GPR55: variants seen among roughly 807,000 people sequenced by gnomAD.
The protein encoded by GPR55 is G protein-coupled receptor 55.
A neutral mutation model predicts 7.9 loss-of-function variants in GPR55; 6 were observed. The ratio of observed to expected loss-of-function variants is 0.76; its 90% confidence interval spans 0.41 to 1.49. The LOEUF is 1.49. Among genes scored for constraint, GPR55 ranks in the 40% most tolerant of loss-of-function variants. GPR55 has a pLI of 0.01. For missense variants in GPR55, 376 were observed against 406.0 expected (o/e 0.93, Z 0.63); for synonymous variants, 183 against 166.8 (o/e 1.10, Z -0.75).
At chr2:230,926,018 G>A (rs767379518), upstream of GPR55, among the ~76,000 whole-genome samples, 5 of 152,178 alleles carry the variant, frequency 3.3e-5, no homozygotes, top group Admixed American at 6.5e-5. Flanking sequence ...AAACTACCCC[G>A]GCAGATGCAG....
intron 1 of GPR55, among the ~76,000 whole-genome samples, chr2:230,939,051 G>A (rs531323794): frequency 6.6e-6 from 1 of 152,330 alleles, no homozygotes; most frequent in East Asian, 1.9e-4. Context: ...TTCTCGAGAT[G>A]GAGACTGAAG....
intron 1 of GPR55, among the ~76,000 whole-genome samples, chr2:230,960,464 T>C (rs1273494680): frequency 6.6e-6 from 1 of 152,152 alleles, no homozygotes; most frequent in Non-Finnish European, 1.5e-5. Context: ...TTACTTTTGT[T>C]ACTCAGATGT....
chr2:230,920,530 A>G (rs1016969101), intron 1 of GPR55, among the ~76,000 whole-genome samples: 1 of 152,216 alleles, frequency 6.6e-6, no homozygotes, highest in Non-Finnish European at 1.5e-5. Context: ...CTCTGTTCAC[A>G]GGTCAGCCAT....
chr2:230,930,484 A>T, intron 1 of GPR55, among the ~76,000 whole-genome samples: 3 of 145,190 alleles, frequency 2.1e-5, no homozygotes, highest in African/African-American at 5.1e-5. Flanking sequence ...TTTTAGACAG[A>T]GTCTCACTTA....
Position 230,936,615 on chromosome 2 carries a change from C to T in GPR55, c.-135+24160G>A, listed in dbSNP as rs563732846. ...TTAGCAGCATGAGAATGGACTGATA[C>T]GAACATCCTGTTGGACAGCAGCAAT... On this transcript the variant is annotated intron_variant, in intron 1 of 1. Coordinates refer to the GPR55 transcript ENST00000392039. 5.5e-4 allele frequency among the ~76,000 whole-genome samples: 83 copies of T among 152,288 alleles called. 1 individual carries two copies. The highest frequency in any genetic ancestry group is 1.6e-3 in the African/African-American group (68 of 41,566).
rs147437675 is a variant in GPR55 at position 230,960,067 on chromosome 2, A to C, written c.-135+708T>G. Among the ~76,000 whole-genome samples the C allele has an allele frequency of 2.3e-3, 352 of 152,350 alleles. 2 individuals are homozygous for C. Among genetic ancestry groups the C allele is most frequent in the African/African-American group, 8.0e-3 (334 of 41,578 alleles). On this transcript the variant is annotated intron_variant, in intron 1 of 1. Coordinates refer to the GPR55 transcript ENST00000392039. ...CTTAGGTGCTGGCAAGAAGCAATTT[A>C]GAAATATATTTGACTTATTCTACAC...
intron 1 of GPR55, among the ~76,000 whole-genome samples, chr2:230,954,341 G>C (rs971510282): frequency 3.3e-5 from 5 of 152,218 alleles, no homozygotes; most frequent in African/African-American, 1.2e-4. Context: ...CTATCATTCT[G>C]TGTCCTGAAG....
In GPR55 at chr2:230,955,092, A is replaced by G. The variant is rs139167639; in HGVS notation, c.-135+5683T>C. On this transcript the variant is annotated intron_variant, in intron 1 of 1. Transcript: ENST00000392039. ...TATGTTTATCCCTTTACTATGTGACAGTAATCTGTCACCAAGAGCTAGCAT... is the reference window on the plus strand; with the variant it reads ...TATGTTTATCCCTTTACTATGTGACGGTAATCTGTCACCAAGAGCTAGCAT... Among the ~76,000 whole-genome samples, 440 of 152,358 alleles carry G rather than the reference A, an allele frequency of 2.9e-3. 3 individuals are homozygous for G. The highest frequency in any genetic ancestry group is 0.01 in the African/African-American group (417 of 41,586).
intron 1 of GPR55, among the ~76,000 whole-genome samples, chr2:230,960,397 C>A (rs1691549805): frequency 6.6e-6 from 1 of 152,090 alleles, no homozygotes; most frequent in African/African-American, 2.4e-5. Context: ...AATCATAGAC[C>A]TGAAAGCCAG....
intron 1 of GPR55, among the ~76,000 whole-genome samples, chr2:230,938,884 C>G (rs76955039): frequency 2.0e-5 from 3 of 152,150 alleles, no homozygotes; most frequent in Non-Finnish European, 4.4e-5. Context: ...TTCTGGGTCT[C>G]GGTAAACAAC....
intron 1 of GPR55, among the ~76,000 whole-genome samples, chr2:230,942,422 G>A (rs1394779992): frequency 1.3e-5 from 2 of 152,184 alleles, no homozygotes; most frequent in African/African-American, 4.8e-5. Context: ...AAGGGACCCA[G>A]CCACTGCCCT....
At chr2:230,938,146 CAAAAAAA>C (rs59307128) in intron 1 of GPR55, among the ~76,000 whole-genome samples, 2 of 19,884 alleles carry the variant, frequency 1.0e-4, no homozygotes, top group Admixed American at 6.7e-4. Context: ...GACCCTGTCT[CAAAAAAA>C]AAAAAAAAAA....
At chr2:230,913,288 C>A (rs528763493) in intron 1 of GPR55, among the ~76,000 whole-genome samples, 1 of 152,146 alleles carries the variant, frequency 6.6e-6, no homozygotes, top group African/African-American at 2.4e-5. Context: ...TTTCTCATCA[C>A]TATTGGGCGC....
At chr2:230,940,248 G>A (rs532061136) in intron 1 of GPR55, among the ~76,000 whole-genome samples, 46 of 152,206 alleles carry the variant, frequency 3.0e-4, no homozygotes, top group African/African-American at 1.0e-3. Context: ...TGGGGGCGGC[G>A]CTTACACAGC....
intron 1 of GPR55, chr2:230,958,081 A>G (rs1489195097): frequency 3.8e-6 from 1 of 263,566 alleles, no homozygotes; most frequent in Admixed American, 5.1e-5. Context: ...GTAATAAATA[A>G]AGAAAGAAAG....
rs34006254 is a variant in GPR55, at chr2:230,909,292, C to G, written c.*711G>C. 12,139 of 152,600 alleles carry G rather than the reference C, an allele frequency of 0.08. 575 individuals are homozygous for G. Among genetic ancestry groups the G allele is most frequent in the South Asian group, 0.16 (766 of 4,824 alleles). The allele number at this position is 152,600 out of a possible 1,614,324, so 9.5% of individuals were successfully genotyped here. A position where few individuals can be genotyped will look rare whatever the true frequency, so the allele number is the denominator to read the frequency against. ...CCCAGAAGTGTCCTTTCCTCTCCCC[C>G]CTCATGGCTCTTGGATGTCATCAAC... On this transcript the variant is annotated 3_prime_UTR_variant, in exon 2 of 2. Transcript: ENST00000650999.
intron 1 of GPR55, among the ~76,000 whole-genome samples, chr2:230,958,267 A>G (rs1691521728): frequency 6.6e-6 from 1 of 152,208 alleles, no homozygotes; most frequent in African/African-American, 2.4e-5. Context: ...TTAAATGTTT[A>G]TGGGTACAAT....
chr2:230,954,890 C>T (rs1219192208), intron 1 of GPR55, among the ~76,000 whole-genome samples: 1 of 152,206 alleles, frequency 6.6e-6, no homozygotes, highest in African/African-American at 2.4e-5. Flanking sequence ...TGACAGACAT[C>T]ACTAATCAAT....
At chr2:230,915,394 T>A (rs1690686297) in intron 1 of GPR55, among the ~76,000 whole-genome samples, 1 of 152,188 alleles carries the variant, frequency 6.6e-6, no homozygotes. Context: ...GCAGCAGGGA[T>A]GGGTGGGTGC....
Sources: allele counts gnomAD v4.1 joint callset (sites outside exome capture counted in the v4.1 genomes callset), GRCh38; gene constraint gnomAD v4.1.1; transcripts MANE v1.5; gene names NCBI Gene and HGNC (gene_info 2026-07-23, HGNC 2026-07-21).